AP1AR: variants seen among roughly 807,000 people sequenced by gnomAD.
AP1AR encodes AP-1 complex-associated regulatory protein.
In AP1AR, 29 loss-of-function variants were observed where a neutral mutation model predicts 46.3. The observed-to-expected ratio is 0.63, with a 90% CI of 0.47 to 0.85. The LOEUF is 0.85. Among genes scored for constraint, AP1AR ranks in the 40% least tolerant of loss-of-function variants. The pLI is 0.00. For missense variants in AP1AR, 357 were observed against 356.3 expected (o/e 1.00, Z -0.02); for synonymous variants, 122 against 122.9 (o/e 0.99, Z 0.05).
intron 1 of AP1AR, among the ~76,000 whole-genome samples, chr4:112,249,425 C>T (rs536104881): frequency 1.3e-5 from 2 of 151,318 alleles, no homozygotes; most frequent in African/African-American, 4.9e-5. Context: ...TTTGGGAGGC[C>T]GAGGTGGGTG....
At position 112,266,732 on chromosome 4, in the gene AP1AR, C is replaced by G; in HGVS notation, c.643+16C>G. The stretch of plus-strand genomic sequence containing the variant: ...GATGAAGAAGGTATTTTATAATTCA[C>G]AATTTTACCTGAAAAATTTAACGTA... On this transcript the variant is annotated intron_variant, in intron 9 of 9. Coordinates refer to ENST00000274000, the MANE Select transcript of AP1AR (RefSeq NM_018569.6). The G allele has an allele frequency of 6.3e-7, 1 of 1,586,296 alleles. No individual in the cohort carries two copies. Among genetic ancestry groups the G allele is most frequent in the Non-Finnish European group, 8.6e-7 (1 of 1,166,854 alleles).
At chr4:112,247,164 A>C (rs1173108893) in intron 1 of AP1AR, among the ~76,000 whole-genome samples, 1 of 152,182 alleles carries the variant, frequency 6.6e-6, no homozygotes, top group Non-Finnish European at 1.5e-5. Context: ...AACAATAGGC[A>C]TATGTATGTA....
intron 1 of AP1AR, among the ~76,000 whole-genome samples, chr4:112,239,231 C>G (rs62313751): frequency 0.024 from 3,687 of 152,318 alleles, 74 homozygotes; most frequent in Middle Eastern, 0.037. Context: ...CTCCCTCTAG[C>G]TGTTACCCTG....
intron 5 of AP1AR, 35 bp downstream of exon 5, chr4:112,260,897 A>G (rs777213257): frequency 3.1e-6 from 4 of 1,303,764 alleles, no homozygotes; most frequent in South Asian, 2.7e-5. Context: ...AGTACATGTT[A>G]TCATAAAGAG....
intron 1 of AP1AR, among the ~76,000 whole-genome samples, chr4:112,248,303 T>A (rs1725806807): frequency 6.6e-6 from 1 of 152,172 alleles, no homozygotes; most frequent in African/African-American, 2.4e-5. Flanking sequence ...GGGGCTTTTG[T>A]TTGATTCTGA....
At chr4:112,243,846 C>T (rs892943122) in intron 1 of AP1AR, among the ~76,000 whole-genome samples, 4 of 152,108 alleles carry the variant, frequency 2.6e-5, no homozygotes, top group African/African-American at 9.7e-5. Flanking sequence ...TTATGTACCT[C>T]TTCAAATTTA....
chr4:112,250,190 A>G (rs986742413), intron 1 of AP1AR, among the ~76,000 whole-genome samples: 1 of 152,226 alleles, frequency 6.6e-6, no homozygotes, highest in African/African-American at 2.4e-5. Flanking sequence ...TTGATTGCCA[A>G]GAGCCTCATT....
chr4:112,260,369 G>C (rs185504050), intron 4 of AP1AR, among the ~76,000 whole-genome samples: 1 of 152,314 alleles, frequency 6.6e-6, no homozygotes, highest in African/African-American at 2.4e-5. Context: ...AAGAGTTCCA[G>C]AATGGTATGA....
chr4:112,250,619 G>C (rs529736663), intron 1 of AP1AR, among the ~76,000 whole-genome samples: 1 of 152,038 alleles, frequency 6.6e-6, no homozygotes, highest in Non-Finnish European at 1.5e-5. Flanking sequence ...ATGTTTCTTG[G>C]TATTTTCAGA....
At chr4:112,249,834 G>A (rs1725877360) in intron 1 of AP1AR, among the ~76,000 whole-genome samples, 1 of 152,196 alleles carries the variant, frequency 6.6e-6, no homozygotes, top group Non-Finnish European at 1.5e-5. Flanking sequence ...CTTAGCCACT[G>A]TTGATGGGAA....
chr4:112,270,866 C>T lies in AP1AR; in HGVS notation c.*2457C>T, dbSNP rs1472728450. Among the ~76,000 whole-genome samples, 2 of 152,138 alleles carry T rather than the reference C, an allele frequency of 1.3e-5. No homozygotes were observed. Among genetic ancestry groups the T allele is most frequent in the African/African-American group, 4.8e-5 (2 of 41,420 alleles). The stretch of plus-strand genomic sequence containing the variant: ...TTTTTTGTAAGCAAGGATGTACAGT[C>T]ATCATATACACATTTTCAAACGATT... On this transcript the variant is annotated 3_prime_UTR_variant, in exon 10 of 10. Transcript: ENST00000274000.
rs1726781132 is a variant in AP1AR at position 112,268,088 on chromosome 4, TA to T, written c.644-53del. ...CTACATTGCTAAATTTGGGAGTTTT[TA>T]AATATAGCTTTATTATCTGTTCTGA... On this transcript the variant is annotated intron_variant, in intron 9 of 9. Transcript: ENST00000274000. 3.4e-6 allele frequency: 5 copies of T among 1,458,068 alleles called. No individual in the cohort carries two copies. The South Asian group carries it at 7.7e-5, about 22-fold the overall frequency. 90.3% of individuals were successfully genotyped at this position (1,458,068 alleles called of 1,614,324 possible).
At position 112,269,877 on chromosome 4, in the gene AP1AR, A is replaced by G. The variant is rs1305481781; in HGVS notation, c.*1468A>G. ...TATTTTTAAGGTAATCTATATTCACATTGCCTGTGTTAATGCTTTTTAAAG... is the reference window on the plus strand; with the variant it reads ...TATTTTTAAGGTAATCTATATTCACGTTGCCTGTGTTAATGCTTTTTAAAG... On this transcript the variant is annotated 3_prime_UTR_variant, in exon 10 of 10. Transcript: ENST00000274000. The G allele has an allele frequency of 6.6e-6, 1 of 152,500 alleles. No individual in the cohort carries two copies. The highest frequency in any genetic ancestry group is 1.5e-5 in the Non-Finnish European group (1 of 67,958). The allele number at this position is 152,500 out of a possible 1,614,324, so 9.4% of individuals were successfully genotyped here.
At chr4:112,246,577 A>G (rs1425392381) in intron 1 of AP1AR, among the ~76,000 whole-genome samples, 1 of 152,224 alleles carries the variant, frequency 6.6e-6, no homozygotes, top group Non-Finnish European at 1.5e-5. Context: ...CCAGGCTCTC[A>G]CCTTCAACCT....
intron 1 of AP1AR, among the ~76,000 whole-genome samples, chr4:112,239,414 C>T (rs1267752218): frequency 6.6e-6 from 1 of 152,172 alleles, no homozygotes; most frequent in African/African-American, 2.4e-5. Flanking sequence ...TGCTGCTCTC[C>T]TCTGCATATT....
rs1315126439 is a variant in AP1AR, at chr4:112,263,108, A to T, written c.381+22A>T. On this transcript the variant is annotated intron_variant, in intron 6 of 9. Coordinates refer to ENST00000274000, the MANE Select transcript of AP1AR (RefSeq NM_018569.6). The stretch of plus-strand genomic sequence containing the variant: ...GGAGGTGAGGGGAAAAGACCCCAGC[A>T]TATATTAGGGTTGCTTTTCTCCTTA... The T allele has an allele frequency of 1.9e-6, 3 of 1,585,202 alleles. No homozygotes were observed. In the East Asian group the frequency reaches 6.7e-5, roughly 36 times the overall value.
Position 112,232,031 on chromosome 4 carries a change from G to A in AP1AR, c.-61G>A, listed in dbSNP as rs1462992391. The A allele has an allele frequency of 1.1e-5, 15 of 1,313,480 alleles. No homozygotes were observed. The highest frequency in any genetic ancestry group is 1.5e-5 in the Non-Finnish European group (15 of 1,020,728). The allele number at this position is 1,313,480 out of a possible 1,614,324, so 81.4% of individuals were successfully genotyped here. A position where few individuals can be genotyped will look rare whatever the true frequency, so the allele number is the denominator to read the frequency against. ...CGTGCCGTGCGGATGCAGCTGCCGG[G>A]CCTGGGTTTGGGCATTGAGCGGGAG... On this transcript the variant is annotated 5_prime_UTR_variant, in exon 1 of 10. Coordinates refer to ENST00000274000, the MANE Select transcript of AP1AR (RefSeq NM_018569.6).
At chr4:112,267,762 G>A (rs1015557123) in intron 9 of AP1AR, among the ~76,000 whole-genome samples, 1 of 151,920 alleles carries the variant, frequency 6.6e-6, no homozygotes, top group African/African-American at 2.4e-5. Context: ...TAGAGTGATT[G>A]TCATTCTCTG....
At position 112,271,577 on chromosome 4, in the gene AP1AR, A is replaced by G. The variant is rs931486227; in HGVS notation, c.*3168A>G. On this transcript the variant is annotated 3_prime_UTR_variant, in exon 10 of 10. Transcript: ENST00000274000. ...TGGACTCATTGTCTCCCTACTGGCC[A>G]AATCTATAGATGTCTGACAGCCAGC... 9.2e-5 allele frequency among the ~76,000 whole-genome samples: 14 copies of G among 152,228 alleles called. No homozygotes were observed. The highest frequency in any genetic ancestry group is 3.1e-4 in the African/African-American group (13 of 41,456).
Sources: allele counts gnomAD v4.1 joint callset (sites outside exome capture counted in the v4.1 genomes callset), GRCh38; gene constraint gnomAD v4.1.1; transcripts MANE v1.5; gene names NCBI Gene and HGNC (gene_info 2026-07-23, HGNC 2026-07-21).